Variants in CHRM3 observed in about 807,000 individuals in gnomAD.
The protein encoded by CHRM3 is muscarinic acetylcholine receptor M3.
A neutral mutation model predicts 41.8 loss-of-function variants in CHRM3; 11 were observed. That is an observed-to-expected ratio of 0.26 (90% CI 0.17 to 0.44). CHRM3 has a LOEUF of 0.44. Ranked by LOEUF, CHRM3 falls within the 20% of genes least tolerant of loss-of-function variation. The probability of loss-of-function intolerance (pLI) is 1.00; values close to 1 mark genes in which losing one functional copy is unlikely to be tolerated. For synonymous variants in CHRM3, 297 were observed against 301.4 expected, an observed-to-expected ratio of 0.99 and a Z score of 0.15; for missense variants, 571 against 745.4, an observed-to-expected ratio of 0.77 and a Z score of 2.72.
intron 5 of CHRM3, among the ~76,000 whole-genome samples, chr1:239,726,925 C>T (rs778951152): frequency 2.0e-5 from 3 of 151,866 alleles, no homozygotes; most frequent in Non-Finnish European, 4.4e-5. Context: ...CGTAAATGTT[C>T]TGGAAAGCTA....
At chr1:239,533,602 G>C (rs895935653) in intron 2 of CHRM3, among the ~76,000 whole-genome samples, 8 of 151,554 alleles carry the variant, frequency 5.3e-5, no homozygotes, top group African/African-American at 1.5e-4. Context: ...ATGGTGGCAG[G>C]TGTCTGTAAT....
At chr1:239,774,872 G>C (rs1370869283) in intron 5 of CHRM3, among the ~76,000 whole-genome samples, 1 of 152,158 alleles carries the variant, frequency 6.6e-6, no homozygotes, top group Non-Finnish European at 1.5e-5. Context: ...TGTAGAGAGG[G>C]AAAAATTTGA....
chr1:239,802,347 T>C (rs192765638), intron 5 of CHRM3, among the ~76,000 whole-genome samples: 1 of 152,334 alleles, frequency 6.6e-6, no homozygotes, highest in East Asian at 1.9e-4. Context: ...TTCATGTCGA[T>C]GGTTGAGAAT....
chr1:239,555,330 A>G (rs992898073), intron 3 of CHRM3, among the ~76,000 whole-genome samples: 11 of 152,150 alleles, frequency 7.2e-5, no homozygotes, highest in Non-Finnish European at 1.2e-4. Flanking sequence ...TTATTATTTA[A>G]TCACATGGAA....
intron 2 of CHRM3, among the ~76,000 whole-genome samples, chr1:239,515,556 T>C (rs78921708): frequency 0.03 from 4,557 of 152,228 alleles, 244 homozygotes; most frequent in African/African-American, 0.1. Context: ...AAGAGGGAAT[T>C]ATTTCTGAGG....
intron 5 of CHRM3, among the ~76,000 whole-genome samples, chr1:239,788,631 T>C (rs1669096619): frequency 6.6e-6 from 1 of 152,104 alleles, no homozygotes; most frequent in Non-Finnish European, 1.5e-5. Context: ...CCAGGCGTGG[T>C]GGTAGACACC....
At chr1:239,662,210 A>G (rs190723395) in intron 4 of CHRM3, among the ~76,000 whole-genome samples, 1 of 152,060 alleles carries the variant, frequency 6.6e-6, no homozygotes, top group Non-Finnish European at 1.5e-5. Flanking sequence ...TGTTGCAAAT[A>G]CACTTCTTAT....
intron 3 of CHRM3, chr1:239,546,027 A>G (rs946262942): frequency 6.6e-6 from 1 of 152,166 alleles, no homozygotes; most frequent in African/African-American, 2.4e-5. Context: ...TAACTGAATT[A>G]AGAAACGTCA....
intron 3 of CHRM3, among the ~76,000 whole-genome samples, chr1:239,615,600 A>G (rs552602293): frequency 6.6e-6 from 1 of 152,324 alleles, no homozygotes; most frequent in South Asian, 2.1e-4. Flanking sequence ...CTTCATCTGT[A>G]TACTCACAAA....
At chr1:239,891,084 A>G (rs1028553034) in intron 6 of CHRM3, among the ~76,000 whole-genome samples, 7 of 152,152 alleles carry the variant, frequency 4.6e-5, no homozygotes, top group Non-Finnish European at 7.3e-5. Flanking sequence ...TAAATTGTCT[A>G]CTTACTGCCT....
chr1:239,638,398 G>A (rs12088433), intron 4 of CHRM3, among the ~76,000 whole-genome samples: 9,510 of 150,720 alleles, frequency 0.063, 395 homozygotes, highest in Middle Eastern at 0.12. Flanking sequence ...AATTGTTCCT[G>A]TTTCTCCACA....
chr1:239,469,544 TA>T (rs1453170622), intron 1 of CHRM3, among the ~76,000 whole-genome samples: 1 of 152,178 alleles, frequency 6.6e-6, no homozygotes, highest in African/African-American at 2.4e-5. Context: ...AGCACTTTTT[TA>T]AAAAATTTTT....
At chr1:239,722,099 TCTC>T (rs1290481554) in intron 5 of CHRM3, among the ~76,000 whole-genome samples, 1 of 151,900 alleles carries the variant, frequency 6.6e-6, no homozygotes, top group African/African-American at 2.4e-5. Flanking sequence ...TATTTGATCT[TCTC>T]CTCCATAAAT....
chr1:239,821,446 A>G lies in CHRM3; in HGVS notation c.-146-5806A>G, dbSNP rs115742673. On this transcript the variant is annotated intron_variant, in intron 5 of 6. Coordinates refer to ENST00000676153, the MANE Select transcript of CHRM3 (RefSeq NM_001375978.1). ...TAAGTGACTCTCTAGTCACACATCC[A>G]CTATCAGGATATTCCCAGAAATTCT... Among the ~76,000 whole-genome samples, 837 of 152,210 alleles carry G rather than the reference A, an allele frequency of 5.5e-3. 6 individuals carry two copies. The highest frequency in any genetic ancestry group is 0.051 in the Middle Eastern group (15 of 294).
At chr1:239,537,853 G>T (rs1658357111) in intron 2 of CHRM3, among the ~76,000 whole-genome samples, 1 of 152,154 alleles carries the variant, frequency 6.6e-6, no homozygotes, top group Non-Finnish European at 1.5e-5. Flanking sequence ...ATTAAGATTT[G>T]ATTTCCATCT....
Position 239,691,498 on chromosome 1 carries a change from A to G in CHRM3, c.-147+13210A>G, listed in dbSNP as rs570150142. The stretch of plus-strand genomic sequence containing the variant: ...CCAAGACACATCGATAATATAGTCT[A>G]TGTATTCAGTTTAAACAAAATGTCA... On this transcript the variant is annotated intron_variant, in intron 5 of 6. Coordinates refer to ENST00000676153, the MANE Select transcript of CHRM3 (RefSeq NM_001375978.1). Among the ~76,000 whole-genome samples the G allele has an allele frequency of 5.3e-5, 8 of 152,322 alleles. No homozygotes were observed. In the South Asian group the frequency reaches 1.2e-3, roughly 24 times the overall value.
At chr1:239,620,070 A>T (rs1313723045) in intron 3 of CHRM3, among the ~76,000 whole-genome samples, 1 of 152,202 alleles carries the variant, frequency 6.6e-6, no homozygotes, top group East Asian at 1.9e-4. Context: ...AAATTACAGG[A>T]AACCATTTGG....
At chr1:239,428,675 C>T (rs1030666303) in intron 1 of CHRM3, among the ~76,000 whole-genome samples, 8 of 152,086 alleles carry the variant, frequency 5.3e-5, no homozygotes, top group African/African-American at 1.9e-4. Context: ...AAAATATTTT[C>T]CCTGTTTTAG....
At chr1:239,819,338 G>A (rs1578180) in intron 5 of CHRM3, among the ~76,000 whole-genome samples, 29,752 of 152,050 alleles carry the variant, frequency 0.2, 2,935 homozygotes, top group South Asian at 0.22. Context: ...GAAGGGCTTA[G>A]ATCAACACTT....
Sources: gnomAD v4.1 joint callset for allele counts (sites outside exome capture counted in the v4.1 genomes callset) on GRCh38, gnomAD v4.1.1 for gene constraint, MANE v1.5 for transcripts, NCBI Gene and HGNC (gene_info 2026-07-23, HGNC 2026-07-21) for gene names.